Variants in PHACTR1 observed in about 807,000 individuals in gnomAD.
The protein encoded by PHACTR1 is RPEL repeat containing 1.
A neutral mutation model predicts 69.2 loss-of-function variants in PHACTR1; 16 were observed. That is an observed-to-expected ratio of 0.23 (90% CI 0.16 to 0.35). The LOEUF (loss-of-function observed/expected upper bound fraction) is 0.35. Among genes scored for constraint, PHACTR1 ranks in the 10% least tolerant of loss-of-function variants. The pLI is 1.00. For synonymous variants in PHACTR1, 312 were observed against 284.5 expected (o/e 1.10, Z -0.97); for missense variants, 510 against 734.7 (o/e 0.69, Z 3.54).
intron 4 of PHACTR1, among the ~76,000 whole-genome samples, chr6:13,025,701 G>GTGTGTGTC (rs1554108844): frequency 1.3e-5 from 2 of 151,874 alleles, no homozygotes; most frequent in African/African-American, 2.4e-5. Context: ...GTGTGTGTGT[G>GTGTGTGTC]TGTGTGTGTC....
rs144077328 is a variant in PHACTR1, at chr6:13,227,243, G to A, written c.987-573G>A. ...GGGTCTCCAGCCTTGTGTCCATCCCGCTCTTCCCTTTCTCAGCATCTCCAG... is the reference window on the plus strand; with the variant it reads ...GGGTCTCCAGCCTTGTGTCCATCCCACTCTTCCCTTTCTCAGCATCTCCAG... On this transcript the variant is annotated intron_variant, in intron 8 of 14. Coordinates refer to ENST00000332995, the MANE Select transcript of PHACTR1 (RefSeq NM_030948.6). Among the ~76,000 whole-genome samples the A allele has an allele frequency of 1.1e-3, 166 of 152,176 alleles. 1 individual carries two copies. Among genetic ancestry groups the A allele is most frequent in the East Asian group, 8.9e-3 (46 of 5,184 alleles).
chr6:12,985,619 G>T (rs1458448258), intron 4 of PHACTR1, among the ~76,000 whole-genome samples: 1 of 149,126 alleles, frequency 6.7e-6, no homozygotes, highest in Non-Finnish European at 1.5e-5. Context: ...AAAGTTAATA[G>T]TATTTTTTAT....
chr6:13,183,073 T>C (rs1050319538), intron 7 of PHACTR1, among the ~76,000 whole-genome samples: 1 of 152,232 alleles, frequency 6.6e-6, no homozygotes, highest in Non-Finnish European at 1.5e-5. Flanking sequence ...TCCTTTAGTC[T>C]TAGTCCCAGT....
intron 8 of PHACTR1, among the ~76,000 whole-genome samples, chr6:13,223,999 CT>C (rs1231650034): frequency 6.6e-6 from 1 of 152,168 alleles, no homozygotes; most frequent in Non-Finnish European, 1.5e-5. Context: ...AAAAAAACCC[CT>C]TAGTTAATGC....
chr6:12,749,522 C>T (rs1309851096), intron 3 of PHACTR1, 122 bp from the exon 4 acceptor site: 1 of 489,010 alleles, frequency 2.0e-6, no homozygotes, highest in South Asian at 1.6e-5. Context: ...ACTCCCTCCC[C>T]ACCCCTTCCC....
At chr6:13,026,551 T>C (rs1801724503) in intron 4 of PHACTR1, among the ~76,000 whole-genome samples, 1 of 152,180 alleles carries the variant, frequency 6.6e-6, no homozygotes, top group East Asian at 1.9e-4. Flanking sequence ...AGTGCTGGCT[T>C]GTAGAGAGGG....
intron 6 of PHACTR1, among the ~76,000 whole-genome samples, chr6:13,166,422 C>T (rs986545000): frequency 3.9e-5 from 6 of 152,074 alleles, no homozygotes; most frequent in African/African-American, 1.4e-4. Context: ...CTGTTGTAGC[C>T]CAAGTGTCTA....
At chr6:13,022,319 A>G (rs1801090212) in intron 4 of PHACTR1, among the ~76,000 whole-genome samples, 1 of 152,196 alleles carries the variant, frequency 6.6e-6, no homozygotes, top group African/African-American at 2.4e-5. Context: ...CACCTGTAAA[A>G]TGAATTTACT....
At chr6:13,122,147 C>T (rs9473492) in intron 5 of PHACTR1, among the ~76,000 whole-genome samples, 5,064 of 152,172 alleles carry the variant, frequency 0.033, 266 homozygotes, top group African/African-American at 0.11. Context: ...AATACTTGCC[C>T]GCACTTTCCA....
intron 4 of PHACTR1, among the ~76,000 whole-genome samples, chr6:12,971,017 A>G (rs1794137615): frequency 1.3e-5 from 2 of 152,196 alleles, no homozygotes; most frequent in African/African-American, 4.8e-5. Context: ...AGTGATAAGT[A>G]GTAGAATGAT....
At chr6:13,064,401 G>GAC (rs918015218) in intron 5 of PHACTR1, among the ~76,000 whole-genome samples, 4 of 151,192 alleles carry the variant, frequency 2.6e-5, no homozygotes, top group African/African-American at 9.7e-5. Context: ...GAGAAGAAAA[G>GAC]ACACACACAC....
intron 4 of PHACTR1, among the ~76,000 whole-genome samples, chr6:12,982,424 T>A (rs554169837): frequency 3.5e-4 from 53 of 152,358 alleles, no homozygotes; most frequent in African/African-American, 1.2e-3. Flanking sequence ...CTCACGCCTG[T>A]AATCCCAATA....
chr6:12,746,808 G>C (rs1889061), intron 3 of PHACTR1, among the ~76,000 whole-genome samples: 149,638 of 152,224 alleles, frequency 0.98, 73,588 homozygotes, highest in East Asian at 1. Flanking sequence ...TCCAGATGAC[G>C]TTATCATTTT....
chr6:12,928,826 G>A (rs1046122059), intron 4 of PHACTR1, among the ~76,000 whole-genome samples: 1 of 152,188 alleles, frequency 6.6e-6, no homozygotes, highest in Non-Finnish European at 1.5e-5. Context: ...AGGCAAAGGT[G>A]CTATGTTCAT....
rs190835487 is a variant in PHACTR1, at chr6:12,808,935, T to C, written c.250+59145T>C. Among the ~76,000 whole-genome samples the C allele has an allele frequency of 4.2e-3, 634 of 151,884 alleles. 5 individuals carry two copies. The highest frequency in any genetic ancestry group is 0.015 in the African/African-American group (612 of 41,396). Reference sequence around the variant, plus strand: ...CTCTGTTGCCCAGGCTGGAGTGCAGTGGTGCAATCTTGGCTCACTGCAACC... The same window carrying C: ...CTCTGTTGCCCAGGCTGGAGTGCAGCGGTGCAATCTTGGCTCACTGCAACC... On this transcript the variant is annotated intron_variant, in intron 4 of 14. Coordinates refer to ENST00000332995, the MANE Select transcript of PHACTR1 (RefSeq NM_030948.6).
chr6:13,019,904 A>G (rs1443049301), intron 4 of PHACTR1, among the ~76,000 whole-genome samples: 1 of 152,176 alleles, frequency 6.6e-6, no homozygotes, highest in Non-Finnish European at 1.5e-5. Flanking sequence ...GGGGCCTTCT[A>G]GAAGTGTCTA....
chr6:13,133,221 C>A (rs1820773483), intron 5 of PHACTR1, among the ~76,000 whole-genome samples: 1 of 42,090 alleles, frequency 2.4e-5, no homozygotes, highest in Non-Finnish European at 4.9e-5. Flanking sequence ...CCCTCCCCCT[C>A]CCCCTCCCCC....
Position 13,230,181 on chromosome 6 carries a change from C to T in PHACTR1, c.1379C>T (p.Thr460Ile), listed in dbSNP as rs768527515. 6 of 1,609,518 alleles carry T rather than the reference C, an allele frequency of 3.7e-6. No individual in the cohort carries two copies. The highest frequency in any genetic ancestry group is 5.1e-6 in the Non-Finnish European group (6 of 1,178,220). ...ERLELRQQIG[T>I]KLTRRLSQRP... is the part of the protein sequence containing the mutation. Reference sequence around the variant, plus strand: ...CTGGAGCTGAGGCAACAGATTGGCACCAAGCTCACCAGGTAGGACAGCGGC... The same window carrying T: ...CTGGAGCTGAGGCAACAGATTGGCATCAAGCTCACCAGGTAGGACAGCGGC... The change falls in exon 10 of 15, where the codon ACC becomes ATC. Residue 460 changes from threonine (T) to isoleucine (I), a missense_variant. This residue lies in a region of PHACTR1 where 91 missense variants were observed against 203.8 expected (regional missense o/e 0.45). Transcript: ENST00000332995.
chr6:13,261,951 G>A (rs1402494195), intron 10 of PHACTR1, among the ~76,000 whole-genome samples: 1 of 152,214 alleles, frequency 6.6e-6, no homozygotes, highest in Non-Finnish European at 1.5e-5. Context: ...TTGACAGGCA[G>A]GTAGCCAGAT....
Sources: allele counts gnomAD v4.1 joint callset (sites outside exome capture counted in the v4.1 genomes callset), GRCh38; gene constraint gnomAD v4.1.1; regional missense constraint gnomAD v4.1.1; transcripts MANE v1.5; gene names NCBI Gene and HGNC (gene_info 2026-07-23, HGNC 2026-07-21).